Variants in RGS7 observed in about 807,000 individuals in gnomAD.
RGS7 encodes regulator of G-protein signaling 7.
RGS7 carries 27 observed loss-of-function variants against 81.1 expected under a neutral mutation model. The observed-to-expected ratio is 0.33, with a 90% CI of 0.25 to 0.46. The LOEUF is 0.46. Ranked by LOEUF, RGS7 falls within the 20% of genes least tolerant of loss-of-function variation. The pLI is 1.00. For missense variants in RGS7, 396 were observed against 607.4 expected (o/e 0.65, Z 3.66); for synonymous variants, 208 against 207.7 (o/e 1.00, Z -0.01).
chr1:241,277,232 A>G (rs558934423), intron 2 of RGS7, among the ~76,000 whole-genome samples: 13 of 152,342 alleles, frequency 8.5e-5, no homozygotes, highest in African/African-American at 1.9e-4. Context: ...GTTATGCCCA[A>G]TGAATTATTT....
intron 2 of RGS7, among the ~76,000 whole-genome samples, chr1:241,222,623 C>A (rs1256228431): frequency 6.6e-6 from 1 of 152,104 alleles, no homozygotes; most frequent in Non-Finnish European, 1.5e-5. Flanking sequence ...TATCTTACTA[C>A]CTTGCTAAAT....
At chr1:241,283,746 C>T (rs1251948327) in intron 2 of RGS7, among the ~76,000 whole-genome samples, 1 of 152,094 alleles carries the variant, frequency 6.6e-6, no homozygotes, top group Non-Finnish European at 1.5e-5. Context: ...TTACAGGACT[C>T]TAATGACATA....
intron 2 of RGS7, among the ~76,000 whole-genome samples, chr1:241,149,316 G>C (rs2068581905): frequency 6.6e-6 from 1 of 152,122 alleles, no homozygotes; most frequent in Admixed American, 6.5e-5. Context: ...ACAGGCATGT[G>C]CCACCACGCC....
Position 241,059,523 on chromosome 1 carries a change from T to C in RGS7, c.175+39143A>G, listed in dbSNP as rs369823202. On this transcript the variant is annotated intron_variant, in intron 3 of 18. Transcript: ENST00000440928. ...TCAAAACTGCTTCATACTGTGTTAATAGTCTCTCCCAGAAGGCCAAATTAG... is the reference window on the plus strand; with the variant it reads ...TCAAAACTGCTTCATACTGTGTTAACAGTCTCTCCCAGAAGGCCAAATTAG... 1.4e-4 allele frequency among the ~76,000 whole-genome samples: 21 copies of C among 152,334 alleles called. No homozygotes were observed. In the East Asian group the frequency reaches 3.9e-3, roughly 28 times the overall value.
intron 3 of RGS7, among the ~76,000 whole-genome samples, chr1:241,054,872 T>C (rs566049341): frequency 1.1e-4 from 16 of 152,330 alleles, no homozygotes; most frequent in East Asian, 3.9e-4. Context: ...CTAAAACTTA[T>C]ATCACTACTC....
At chr1:241,172,598 T>C (rs1480416999) in intron 2 of RGS7, among the ~76,000 whole-genome samples, 1 of 152,194 alleles carries the variant, frequency 6.6e-6, no homozygotes, top group Non-Finnish European at 1.5e-5. Context: ...AGGCTTTGAA[T>C]TGATAGCCCA....
At chr1:240,831,630 C>A in intron 9 of RGS7, among the ~76,000 whole-genome samples, 1 of 135,390 alleles carries the variant, frequency 7.4e-6, no homozygotes, top group East Asian at 2.1e-4. Flanking sequence ...TCCAGACATC[C>A]TTTTTTTTTT....
At position 241,187,135 on chromosome 1, in the gene RGS7, A is replaced by ATTCT. The variant is rs112567156; in HGVS notation, c.79-88374_79-88373insAGAA. Among the ~76,000 whole-genome samples the ATTCT allele has an allele frequency of 1.1e-3, 169 of 151,852 alleles. 1 individual carries two copies. Among genetic ancestry groups the ATTCT allele is most frequent in the African/African-American group, 3.7e-3 (152 of 41,452 alleles). On this transcript the variant is annotated intron_variant, in intron 2 of 18. Transcript: ENST00000440928. ...AAAGGACCCAGTATAAACCTCTGTGATTTTTTTTTAAAGAAGGCAAAAAAG... is the reference window on the plus strand; with the variant it reads ...AAAGGACCCAGTATAAACCTCTGTGATTCTTTTTTTTTTAAAGAAGGCAAAAAAG...
At chr1:240,903,738 G>A (rs1397918308) in intron 6 of RGS7, among the ~76,000 whole-genome samples, 2 of 152,166 alleles carry the variant, frequency 1.3e-5, no homozygotes, top group South Asian at 2.1e-4. Flanking sequence ...GATCCCTCAC[G>A]AATGGCTTGG....
chr1:241,238,560 G>A (rs573638824), intron 2 of RGS7, among the ~76,000 whole-genome samples: 1 of 152,070 alleles, frequency 6.6e-6, no homozygotes, highest in Non-Finnish European at 1.5e-5. Flanking sequence ...TTTTAGAGGA[G>A]TTTCACTCTG....
At chr1:241,255,958 G>A (rs145643119) in intron 2 of RGS7, among the ~76,000 whole-genome samples, 9 of 152,082 alleles carry the variant, frequency 5.9e-5, no homozygotes, top group African/African-American at 1.7e-4. Context: ...GGACACCAGC[G>A]GTAAAGAAAG....
At chr1:241,206,556 G>A (rs1397273181) in intron 2 of RGS7, among the ~76,000 whole-genome samples, 1 of 152,106 alleles carries the variant, frequency 6.6e-6, no homozygotes, top group Non-Finnish European at 1.5e-5. Flanking sequence ...GGTTCACATT[G>A]CTATCAGTAA....
At chr1:241,053,449 A>C (rs2061346133) in intron 3 of RGS7, among the ~76,000 whole-genome samples, 1 of 152,210 alleles carries the variant, frequency 6.6e-6, no homozygotes, top group African/African-American at 2.4e-5. Context: ...TCATAAAGCT[A>C]ATTTTGGCAA....
chr1:240,884,251 A>C (rs12068325), intron 6 of RGS7, among the ~76,000 whole-genome samples: 68,045 of 151,950 alleles, frequency 0.45, 15,770 homozygotes, highest in East Asian at 0.53. Flanking sequence ...TATGAATTAA[A>C]AATATACATT....
intron 2 of RGS7, among the ~76,000 whole-genome samples, chr1:241,175,105 T>G (rs1317518152): frequency 6.6e-6 from 1 of 151,966 alleles, no homozygotes; most frequent in East Asian, 1.9e-4. Context: ...GGTTTCACTA[T>G]GTTGGCCAGG....
intron 2 of RGS7, among the ~76,000 whole-genome samples, chr1:241,318,591 G>A (rs2081025953): frequency 6.6e-6 from 1 of 151,980 alleles, no homozygotes; most frequent in Admixed American, 6.6e-5. Flanking sequence ...CGAGTAGCTG[G>A]GATTACAGGC....
intron 2 of RGS7, among the ~76,000 whole-genome samples, chr1:241,314,210 C>G (rs907892258): frequency 2.0e-5 from 3 of 152,176 alleles, no homozygotes; most frequent in Non-Finnish European, 2.9e-5. Flanking sequence ...GCATAACATG[C>G]AATGGAGAAA....
intron 9 of RGS7, among the ~76,000 whole-genome samples, chr1:240,840,276 T>C (rs9782956): frequency 6.6e-6 from 1 of 151,344 alleles, no homozygotes; most frequent in Non-Finnish European, 1.5e-5. Context: ...ACACTTTTCT[T>C]TTCTTTTTTT....
At chr1:241,091,481 G>A (rs189323132) in intron 3 of RGS7, among the ~76,000 whole-genome samples, 78 of 151,836 alleles carry the variant, frequency 5.1e-4, no homozygotes, top group African/African-American at 1.9e-3. Flanking sequence ...CCAGGAGGCG[G>A]AGCTTGCAGT....
Sources: gnomAD v4.1 joint callset for allele counts (sites outside exome capture counted in the v4.1 genomes callset) on GRCh38, gnomAD v4.1.1 for gene constraint, MANE v1.5 for transcripts, NCBI Gene and HGNC (gene_info 2026-07-23, HGNC 2026-07-21) for gene names.